Variants in CHL1 observed in about 807,000 individuals in gnomAD.
The protein encoded by CHL1 is neural cell adhesion molecule L1-like protein.
Under a neutral mutation model 141.9 loss-of-function variants are expected in CHL1, and 96 were observed. The ratio of observed to expected loss-of-function variants is 0.68; its 90% CI spans 0.57 to 0.80. The LOEUF (loss-of-function observed/expected upper bound fraction) is 0.80, where lower values mean the gene tolerates loss of function less well. Among genes scored for constraint, CHL1 ranks in the 30% least tolerant of loss-of-function variants. The pLI is 0.00. For missense variants in CHL1, 1,820 were observed against 1,457.2 expected (o/e 1.25, Z -4.05); for synonymous variants, 613 against 502.2 (o/e 1.22, Z -2.95).
intron 1 of CHL1, among the ~76,000 whole-genome samples, chr3:226,080 G>C (rs1460570726): frequency 6.6e-6 from 1 of 150,880 alleles, no homozygotes; most frequent in Non-Finnish European, 1.5e-5. Flanking sequence ...AGAGTGCGGA[G>C]GCACGATCTC....
chr3:382,879 G>A (rs1707231894), intron 18 of CHL1: 1 of 554,144 alleles, frequency 1.8e-6, no homozygotes, highest in Non-Finnish European at 3.2e-6. Flanking sequence ...GAAATTAGGG[G>A]AGTGACATAT....
At chr3:333,406 T>A (rs1437232589) in intron 5 of CHL1, among the ~76,000 whole-genome samples, 2 of 152,148 alleles carry the variant, frequency 1.3e-5, no homozygotes, top group African/African-American at 2.4e-5. Context: ...TTACAGTTTC[T>A]ACTTCTCAAT....
At chr3:219,547 A>G (rs1355605548) in intron 1 of CHL1, among the ~76,000 whole-genome samples, 1 of 152,200 alleles carries the variant, frequency 6.6e-6, no homozygotes, top group African/African-American at 2.4e-5. Flanking sequence ...ATGGACATGG[A>G]TGGAGCTGGA....
intron 2 of CHL1, among the ~76,000 whole-genome samples, chr3:264,493 G>C (rs1232791268): frequency 3.3e-5 from 5 of 152,112 alleles, no homozygotes; most frequent in Non-Finnish European, 7.4e-5. Context: ...AAATAGCAGA[G>C]GACTGCCAAA....
intron 5 of CHL1, among the ~76,000 whole-genome samples, chr3:336,761 T>C (rs769721500): frequency 6.6e-6 from 1 of 152,258 alleles, no homozygotes; most frequent in Non-Finnish European, 1.5e-5. Context: ...TTTTTCTGTA[T>C]ATTATGTTGA....
At chr3:202,752 T>C (rs1361182441) in intron 1 of CHL1, among the ~76,000 whole-genome samples, 2 of 152,140 alleles carry the variant, frequency 1.3e-5, no homozygotes, top group African/African-American at 2.4e-5. Context: ...ACTTCTGAGG[T>C]TTTTCTTACT....
At chr3:294,257 T>A (rs1697982039) in intron 2 of CHL1, among the ~76,000 whole-genome samples, 1 of 152,138 alleles carries the variant, frequency 6.6e-6, no homozygotes, top group African/African-American at 2.4e-5. Flanking sequence ...AGGTCGAGGA[T>A]GCAGTGAGTC....
chr3:319,044 A>G (rs936563959), intron 2 of CHL1, among the ~76,000 whole-genome samples: 1 of 151,470 alleles, frequency 6.6e-6, no homozygotes, highest in Non-Finnish European at 1.5e-5. Flanking sequence ...ATTCTAAGCA[A>G]ATTAACTCAG....
At chr3:325,369 T>C (rs934591985) in intron 3 of CHL1, among the ~76,000 whole-genome samples, 2 of 151,986 alleles carry the variant, frequency 1.3e-5, no homozygotes, top group Non-Finnish European at 2.9e-5. Flanking sequence ...CTTGTGTCCA[T>C]GCCTGGAAAT....
intron 2 of CHL1, among the ~76,000 whole-genome samples, chr3:263,506 T>C (rs140310020): frequency 2.1e-4 from 32 of 152,366 alleles, no homozygotes; most frequent in African/African-American, 7.5e-4. Flanking sequence ...GTTCATTTGT[T>C]ACTGGAAACT....
At position 407,476 on chromosome 3, in the gene CHL1, A is replaced by G. The variant is rs1709601864; in HGVS notation, c.*1765A>G. 6.6e-6 allele frequency: 1 copy of G among 152,166 alleles called. No homozygotes were observed. The highest frequency in any genetic ancestry group is 1.5e-5 in the Non-Finnish European group (1 of 68,046). The allele number at this position is 152,166 out of a possible 1,614,324, so 9.4% of individuals were successfully genotyped here. On this transcript the variant is annotated 3_prime_UTR_variant, in exon 28 of 28. Transcript: ENST00000256509. ...TCTGACCGCAGTCCCGGGAGTAAGCATTTCAAAGGGGGAAGGCAGTGTGGT... is the reference window on the plus strand; with the variant it reads ...TCTGACCGCAGTCCCGGGAGTAAGCGTTTCAAAGGGGGAAGGCAGTGTGGT...
At chr3:269,569 A>G in intron 2 of CHL1, among the ~76,000 whole-genome samples, 1 of 152,162 alleles carries the variant, frequency 6.6e-6, no homozygotes, top group South Asian at 2.1e-4. Flanking sequence ...CTTGTGGCCC[A>G]GGCTGGAGTG....
rs912837661 is a variant in CHL1, at chr3:198,689, G to T, written c.-175+1626G>T. ...GCATAATAAGCACTCAAAAGTTATTGTCGTTGATGCCATTACTGTTAGTTA... is the reference window on the plus strand; with the variant it reads ...GCATAATAAGCACTCAAAAGTTATTTTCGTTGATGCCATTACTGTTAGTTA... On this transcript the variant is annotated intron_variant, in intron 1 of 27. Coordinates refer to ENST00000256509, the MANE Select transcript of CHL1 (RefSeq NM_006614.4). 2.6e-5 allele frequency among the ~76,000 whole-genome samples: 4 copies of T among 152,212 alleles called. No individual in the cohort carries two copies. The South Asian group carries it at 6.2e-4, about 24-fold the overall frequency.
intron 5 of CHL1, chr3:328,574 C>G: frequency 2.6e-6 from 1 of 383,970 alleles, no homozygotes; most frequent in East Asian, 4.1e-5. Flanking sequence ...AACCTTATAT[C>G]TAACATGGAA....
At chr3:392,177 C>T (rs1177613203) in intron 23 of CHL1, among the ~76,000 whole-genome samples, 2 of 152,142 alleles carry the variant, frequency 1.3e-5, no homozygotes, top group Non-Finnish European at 2.9e-5. Context: ...CTGATGGGTA[C>T]ACAAAACACG....
At chr3:276,768 A>G (rs1469085009) in intron 2 of CHL1, among the ~76,000 whole-genome samples, 1 of 151,880 alleles carries the variant, frequency 6.6e-6, no homozygotes, top group Non-Finnish European at 1.5e-5. Flanking sequence ...CGGCACCTGT[A>G]GTCCCAGCTA....
In CHL1 at chr3:376,144, G is replaced by C. The variant is rs116845537; in HGVS notation, c.1752-1674G>C. Among the ~76,000 whole-genome samples the C allele has an allele frequency of 8.5e-5, 13 of 152,310 alleles. No individual in the cohort carries two copies. The East Asian group carries it at 2.5e-3, about 29-fold the overall frequency. On this transcript the variant is annotated intron_variant, in intron 15 of 27. Transcript: ENST00000256509. ...AGAAATGATACAACTTTTTAAAGCA[G>C]AATCCCAGCTGACCTATGATGGGAA...
intron 3 of CHL1, among the ~76,000 whole-genome samples, chr3:324,144 G>GT (rs11419224): frequency 0.14 from 20,864 of 151,906 alleles, 2,364 homozygotes; most frequent in African/African-American, 0.31. Context: ...AGACCAACAC[G>GT]TTGAGAACAA....
At chr3:211,280 C>T (rs17006321) in intron 1 of CHL1, among the ~76,000 whole-genome samples, 2,782 of 152,268 alleles carry the variant, frequency 0.018, 95 homozygotes, top group African/African-American at 0.063. Flanking sequence ...GGCTGCAGAG[C>T]TCCTATACCT....
Sources: allele counts gnomAD v4.1 joint callset (sites outside exome capture counted in the v4.1 genomes callset), GRCh38; gene constraint gnomAD v4.1.1; transcripts MANE v1.5; gene names NCBI Gene and HGNC (gene_info 2026-07-23, HGNC 2026-07-21).